The following GPR108 variants were observed in gnomAD, a reference collection of about 807,000 sequenced individuals.
GPR108 encodes the protein G protein-coupled receptor 108.
A neutral mutation model predicts 74.3 loss-of-function variants in GPR108; 60 were observed. That is an observed-to-expected ratio of 0.81 (90% CI 0.66 to 1.00). The LOEUF is 1.00. Ranked by LOEUF, GPR108 falls within the 50% of genes least tolerant of loss-of-function variation. The pLI, the probability that GPR108 is intolerant of heterozygous loss-of-function variation, is 0.00. For missense variants in GPR108, 667 were observed against 703.3 expected (o/e 0.95, Z 0.58); for synonymous variants, 311 against 292.4 (o/e 1.06, Z -0.65).
At chr19:6,732,233 G>C (rs780330536) in intron 12 of GPR108, 30 bp downstream of exon 12, 1 of 1,611,330 alleles carries the variant, frequency 6.2e-7, no homozygotes, top group Non-Finnish European at 8.5e-7. Flanking sequence ...AGCCCTCCCC[G>C]CCCTGCTCCG....
At position 6,731,946 on chromosome 19, in the gene GPR108, G is replaced by A. The variant is rs374760473; in HGVS notation, c.1257-12C>T. The A allele has an allele frequency of 9.9e-6, 16 of 1,613,054 alleles. No individual in the cohort carries two copies. Among genetic ancestry groups the A allele is most frequent in the African/African-American group, 2.7e-5 (2 of 74,898 alleles). On this transcript the variant is annotated splice_polypyrimidine_tract_variant and intron_variant, in intron 13 of 17. Coordinates refer to ENST00000264080, the MANE Select transcript of GPR108 (RefSeq NM_001080452.2). ...GATGCCGGATGGACCTGGGACAAGT[G>A]GAGGACACAGGGTACGGTCAGCGCG...
At chr19:6,730,918 G>A in intron 17 of GPR108, 69 bp downstream of exon 17, 1 of 532,714 alleles carries the variant, frequency 1.9e-6, no homozygotes. Context: ...TGCCCACCCT[G>A]CCCGTAGAGC....
At position 6,732,464 on chromosome 19, in the gene GPR108, G is replaced by A; in HGVS notation, c.1007+12C>T. 1 of 1,613,614 alleles carries A rather than the reference G, an allele frequency of 6.2e-7. No individual in the cohort carries two copies. Among genetic ancestry groups the A allele is most frequent in the South Asian group, 1.1e-5 (1 of 91,074 alleles). ...CTCCCCCCAGCTGCCCAGCAGAGTGGGGGACACTCACAGGTGTGCGATGTA... is the reference window on the plus strand; with the variant it reads ...CTCCCCCCAGCTGCCCAGCAGAGTGAGGGACACTCACAGGTGTGCGATGTA... On this transcript the variant is annotated intron_variant, in intron 11 of 17. Transcript: ENST00000264080.
rs1246949663 is a variant in GPR108 at position 6,730,387 on chromosome 19, G to T, written c.1560-3C>A. 1 of 1,612,636 alleles carries T rather than the reference G, an allele frequency of 6.2e-7. No homozygotes were observed. Among genetic ancestry groups the T allele is most frequent in the Non-Finnish European group, 8.5e-7 (1 of 1,179,642 alleles). On this transcript the variant is annotated splice_region_variant and splice_polypyrimidine_tract_variant and intron_variant, in intron 17 of 17. Transcript: ENST00000264080. ...CCCGGAACCCAGAGTCCGTCATTCT[G>T]GGGGCAGACAGCGAGGAGGCGTCTA... is the stretch of plus-strand genomic sequence containing the variant.
In GPR108 at chr19:6,732,553, G is replaced by C. The variant is rs1410057947; in HGVS notation, c.934-4C>G. 1 of 1,613,042 alleles carries C rather than the reference G, an allele frequency of 6.2e-7. No homozygotes were observed. The highest frequency in any genetic ancestry group is 1.1e-5 in the South Asian group (1 of 91,068). On this transcript the variant is annotated splice_region_variant and splice_polypyrimidine_tract_variant and intron_variant, in intron 10 of 17. Transcript: ENST00000264080. ...TGTTGATGAAGTAGTAGTTGATCTGGGGGTGGATGGACAGACGGACAGTGA... is the reference window on the plus strand; with the variant it reads ...TGTTGATGAAGTAGTAGTTGATCTGCGGGTGGATGGACAGACGGACAGTGA...
At chr19:6,737,356 C>G in intron 1 of GPR108, 101 bp downstream of exon 1, 1 of 1,382,578 alleles carries the variant, frequency 7.2e-7, no homozygotes. Context: ...ACTCCACCGC[C>G]TCGGGGACGG....
intron 4 of GPR108, among the ~76,000 whole-genome samples, chr19:6,735,165 A>G (rs2145491966): frequency 6.6e-6 from 1 of 152,286 alleles, no homozygotes. Context: ...TACTGGGATT[A>G]CAGGCGTAAG....
Position 6,737,043 on chromosome 19 carries a change from T to C in GPR108, c.121-332A>G, listed in dbSNP as rs930330484. ...AAGAACTTTTACATTCCAGTTGAGC[T>C]CCCAGCAATATTTCAACAGAACCCC... On this transcript the variant is annotated intron_variant, in intron 1 of 17. Transcript: ENST00000264080. 15 of 404,400 alleles carry C rather than the reference T, an allele frequency of 3.7e-5. No individual in the cohort carries two copies. The South Asian group carries it at 4.4e-4, about 12-fold the overall frequency. 25.1% of individuals were successfully genotyped at this position (404,400 alleles called of 1,614,324 possible).
Position 6,730,272 on chromosome 19 carries a change from C to A in GPR108, c.*40G>T, listed in dbSNP as rs751723712. 9.5e-6 allele frequency: 15 copies of A among 1,571,412 alleles called. No homozygotes were observed. In the South Asian group the frequency reaches 1.6e-4, roughly 16 times the overall value. The stretch of plus-strand genomic sequence containing the variant: ...GGAAGAAGGGCAGGAGTGAGAAATG[C>A]TGGGGGAGGACGACCCTTTGGTCTG... On this transcript the variant is annotated 3_prime_UTR_variant, in exon 18 of 18. Coordinates refer to ENST00000264080, the MANE Select transcript of GPR108 (RefSeq NM_001080452.2).
At chr19:6,733,101 T>A (rs371973985) in intron 9 of GPR108, 39 bp from the exon 10 acceptor site, 10 of 1,612,932 alleles carry the variant, frequency 6.2e-6, no homozygotes, top group Non-Finnish European at 7.6e-6. Context: ...GTGCGGGGCA[T>A]CAGCAGAGCA....
At chr19:6,736,841 A>C in intron 1 of GPR108, 130 bp from the exon 2 acceptor site, 1 of 1,310,550 alleles carries the variant, frequency 7.6e-7, no homozygotes, top group African/African-American at 1.5e-5. Flanking sequence ...AGAGGATGAC[A>C]AGAGAAAGTT....
chr19:6,734,400 T>G (rs1968548179), intron 4 of GPR108, 93 bp from the exon 5 acceptor site: 1 of 1,262,914 alleles, frequency 7.9e-7, no homozygotes, highest in Middle Eastern at 2.8e-4. Flanking sequence ...ACCCTCTGCG[T>G]GTCCTCCCTG....
intron 8 of GPR108, 54 bp from the exon 9 acceptor site, chr19:6,733,355 T>C: frequency 6.3e-7 from 1 of 1,577,498 alleles, no homozygotes; most frequent in African/African-American, 1.3e-5. Context: ...ACCGCTGGCC[T>C]GGGAGAGCAG....
At chr19:6,734,392 CCT>C in intron 4 of GPR108, 85 bp from the exon 5 acceptor site, 1 of 1,345,198 alleles carries the variant, frequency 7.4e-7, no homozygotes, top group Non-Finnish European at 1.0e-6. Flanking sequence ...CCCCTTGGAC[CCT>C]CTGCGTGTCC....
rs1027427470 is a variant in GPR108 at position 6,735,966 on chromosome 19, G to C, written c.241-8C>G. 1 of 1,602,114 alleles carries C rather than the reference G, an allele frequency of 6.2e-7. No homozygotes were observed. The highest frequency in any genetic ancestry group is 8.5e-7 in the Non-Finnish European group (1 of 1,174,106). ...GCTGAGACTGAACCCCACCTGGTGG[G>C]TGGAAAAAAAAAGGGGAGGGTGTGA... is the stretch of plus-strand genomic sequence containing the variant. On this transcript the variant is annotated splice_region_variant and splice_polypyrimidine_tract_variant and intron_variant, in intron 2 of 17. Coordinates refer to ENST00000264080, the MANE Select transcript of GPR108 (RefSeq NM_001080452.2).
Position 6,736,652 on chromosome 19 carries a change from C to G in GPR108, c.180G>C (p.Leu60=), listed in dbSNP as rs777425232. 6.2e-7 allele frequency: 1 copy of G among 1,614,124 alleles called. No individual in the cohort carries two copies. Among genetic ancestry groups the G allele is most frequent in the South Asian group, 1.1e-5 (1 of 91,086 alleles). Residue 60 remains leucine, a synonymous_variant, in exon 2 of 18, where the codon CTG becomes CTC. Transcript: ENST00000264080. ...GCCGCAGGACGCTCAACTCCACCTC[C>G]AGAGAGCCATTGGTGTAGAAACCGA... is the stretch of plus-strand genomic sequence containing the variant. ...NSFGFYTNGS[L]EVELSVLRLG...
chr19:6,733,508 T>C, intron 8 of GPR108, 62 bp downstream of exon 8: 2 of 1,529,602 alleles, frequency 1.3e-6, no homozygotes, highest in Non-Finnish European at 1.8e-6. Flanking sequence ...GGTGAGGCAC[T>C]CTGGGCCCGC....
chr19:6,730,186 G>C lies in GPR108; in HGVS notation c.*126C>G. 1 of 868,736 alleles carries C rather than the reference G, an allele frequency of 1.2e-6. No homozygotes were observed. The highest frequency in any genetic ancestry group is 1.9e-6 in the Non-Finnish European group (1 of 526,642). The allele number at this position is 868,736 out of a possible 1,614,324, so 53.8% of individuals were successfully genotyped here. On this transcript the variant is annotated 3_prime_UTR_variant, in exon 18 of 18. Coordinates refer to ENST00000264080, the MANE Select transcript of GPR108 (RefSeq NM_001080452.2). The stretch of plus-strand genomic sequence containing the variant: ...CCAAATGGGCTTGTCCGGGAACCGG[G>C]GTCCCGGGGAGCTGGGCGCCTGGTC...
At chr19:6,730,637 G>GC in intron 17 of GPR108, 1 of 568,884 alleles carries the variant, frequency 1.8e-6, no homozygotes, top group Non-Finnish European at 3.1e-6. Flanking sequence ...AACCACTCAG[G>GC]CCCCGCCCAC....
Sources: gnomAD v4.1 joint callset for allele counts (sites outside exome capture counted in the v4.1 genomes callset) on GRCh38, gnomAD v4.1.1 for gene constraint, MANE v1.5 for transcripts, NCBI Gene and HGNC (gene_info 2026-07-23, HGNC 2026-07-21) for gene names.